Variants in CFAP52 observed in about 807,000 individuals in gnomAD.
The protein encoded by CFAP52 is cilia- and flagella-associated protein 52.
Under a neutral mutation model 70.5 loss-of-function variants are expected in CFAP52, and 57 were observed. That is an observed-to-expected ratio of 0.81 (90% CI 0.65 to 1.01). The LOEUF is 1.01. Among genes scored for constraint, CFAP52 ranks in the 50% least tolerant of loss-of-function variants. CFAP52 has a pLI of 0.00. For synonymous variants in CFAP52, 267 were observed against 292.5 expected (o/e 0.91, Z 0.89); for missense variants, 785 against 788.5 (o/e 1.00, Z 0.05).
At chr17:9,629,968 A>G (rs900778763) in intron 9 of CFAP52, among the ~76,000 whole-genome samples, 1 of 151,780 alleles carries the variant, frequency 6.6e-6, no homozygotes, top group Non-Finnish European at 1.5e-5. Context: ...TTCTCCACAT[A>G]GGGCTGCCAG....
At chr17:9,636,179 AAAAGAAAGAAAG>A (rs60584008) in intron 11 of CFAP52, among the ~76,000 whole-genome samples, 1,873 of 99,126 alleles carry the variant, frequency 0.019, 30 homozygotes, top group South Asian at 0.026. Flanking sequence ...TGTCTCAAAA[AAAAGAAAGAAAG>A]AAAGAAAGAA....
In CFAP52 at chr17:9,589,161, T is replaced by C. The variant is rs570250941; in HGVS notation, c.407+2327T>C. On this transcript the variant is annotated intron_variant, in intron 3 of 13. Coordinates refer to ENST00000352665, the MANE Select transcript of CFAP52 (RefSeq NM_145054.5). ...AAGAACAATCAATGCAAGACATTCCTATGTAAATGTCAAAGGATCACAATC... is the reference window on the plus strand; with the variant it reads ...AAGAACAATCAATGCAAGACATTCCCATGTAAATGTCAAAGGATCACAATC... Among the ~76,000 whole-genome samples the C allele has an allele frequency of 1.4e-4, 22 of 152,282 alleles. No homozygotes were observed. The East Asian group carries it at 3.9e-3, about 27-fold the overall frequency.
intron 6 of CFAP52, among the ~76,000 whole-genome samples, chr17:9,601,738 G>C (rs1246707929): frequency 6.6e-6 from 1 of 152,140 alleles, no homozygotes; most frequent in African/African-American, 2.4e-5. Flanking sequence ...ACCATCAAAG[G>C]ATAATTTTAT....
At chr17:9,577,554 C>A (rs1213467916) in intron 1 of CFAP52, among the ~76,000 whole-genome samples, 1 of 152,076 alleles carries the variant, frequency 6.6e-6, no homozygotes, top group East Asian at 1.9e-4. Context: ...TGTTGTGATG[C>A]CTGAAAGCTT....
chr17:9,603,811 T>A (rs1909375872), intron 6 of CFAP52, among the ~76,000 whole-genome samples: 1 of 152,194 alleles, frequency 6.6e-6, no homozygotes, highest in Non-Finnish European at 1.5e-5. Context: ...GTTCTGCACA[T>A]GTATCCCAGA....
chr17:9,631,052 G>GAGAGAA (rs370935367), intron 9 of CFAP52, among the ~76,000 whole-genome samples: 572 of 37,962 alleles, frequency 0.015, 18 homozygotes, highest in Non-Finnish European at 0.019. Flanking sequence ...GAGAGAGAGA[G>GAGAGAA]AGAAAGAAAG....
At chr17:9,592,317 T>G (rs1458654045) in intron 3 of CFAP52, among the ~76,000 whole-genome samples, 2 of 151,564 alleles carry the variant, frequency 1.3e-5, no homozygotes, top group Admixed American at 6.6e-5. Flanking sequence ...GCAAAAAAAA[T>G]TAGCTGGGCG....
At chr17:9,606,939 C>T (rs1237040450) in intron 6 of CFAP52, among the ~76,000 whole-genome samples, 2 of 152,186 alleles carry the variant, frequency 1.3e-5, no homozygotes, top group East Asian at 3.8e-4. Flanking sequence ...TGAGCCACAA[C>T]AGGCTAAATT....
chr17:9,639,143 C>T (rs919603148), intron 12 of CFAP52: 1 of 156,198 alleles, frequency 6.4e-6, no homozygotes, highest in African/African-American at 2.4e-5. Flanking sequence ...AAAATCTACA[C>T]ACGGAGCCAA....
intron 4 of CFAP52, among the ~76,000 whole-genome samples, chr17:9,595,058 T>G (rs1908939938): frequency 6.6e-6 from 1 of 151,980 alleles, no homozygotes. Context: ...ACCCGGCTAA[T>G]TTTTGTATTT....
chr17:9,584,608 A>AT lies in CFAP52; in HGVS notation c.71-1155dup, dbSNP rs57052137. ...AACTCTTTTAGCAGATTAATGCAGT[A>AT]TTTTTTTTTTAATTTATTTGTTCAT... is the stretch of plus-strand genomic sequence containing the variant. On this transcript the variant is annotated intron_variant, in intron 1 of 13. Transcript: ENST00000352665. Among the ~76,000 whole-genome samples the AT allele has an allele frequency of 3.3e-4, 50 of 151,466 alleles. No homozygotes were observed. In the South Asian group the frequency reaches 6.5e-3, roughly 20 times the overall value.
chr17:9,606,809 G>C (rs768842024), intron 6 of CFAP52, among the ~76,000 whole-genome samples: 6 of 152,160 alleles, frequency 3.9e-5, no homozygotes, highest in Non-Finnish European at 7.3e-5. Flanking sequence ...TCATCCTGTT[G>C]TCCTGCTGAG....
intron 8 of CFAP52, among the ~76,000 whole-genome samples, chr17:9,616,939 C>T (rs1286220312): frequency 1.5e-5 from 1 of 67,728 alleles, no homozygotes; most frequent in Admixed American, 1.5e-4. Context: ...AAACGCAGAG[C>T]GCCTCTCCTC....
intron 1 of CFAP52, among the ~76,000 whole-genome samples, chr17:9,581,940 C>T (rs947641659): frequency 6.6e-6 from 1 of 152,150 alleles, no homozygotes; most frequent in East Asian, 1.9e-4. Flanking sequence ...CACTTGGTCT[C>T]GCCTTGCTAT....
intron 8 of CFAP52, among the ~76,000 whole-genome samples, chr17:9,615,387 A>ATTTTCAACTCTTTG (rs1909863851): frequency 6.6e-6 from 1 of 152,072 alleles, no homozygotes; most frequent in African/African-American, 2.4e-5. Context: ...TCAACTCTTT[A>ATTTTCAACTCTTTG]TTTTCAACCT....
At chr17:9,582,671 C>A (rs895834423) in intron 1 of CFAP52, among the ~76,000 whole-genome samples, 1 of 152,194 alleles carries the variant, frequency 6.6e-6, no homozygotes, top group African/African-American at 2.4e-5. Context: ...GAGTCTCACT[C>A]TGTCACCCAG....
intron 8 of CFAP52, among the ~76,000 whole-genome samples, chr17:9,616,357 G>A (rs1437814541): frequency 8.5e-6 from 1 of 117,108 alleles, no homozygotes; most frequent in Admixed American, 8.7e-5. Context: ...TACGCCCACG[G>A]AATCTCGCTG....
In CFAP52 at chr17:9,635,343, C is replaced by T. The variant is rs983374195; in HGVS notation, c.1321-62C>T. On this transcript the variant is annotated intron_variant, in intron 10 of 13. Coordinates refer to ENST00000352665, the MANE Select transcript of CFAP52 (RefSeq NM_145054.5). Reference sequence around the variant, plus strand: ...GCAAAGGGGAAAAAGCTCTTGGAATCTTTTCCTATCCCTTCAGAAGTCCCA... The same window carrying T: ...GCAAAGGGGAAAAAGCTCTTGGAATTTTTTCCTATCCCTTCAGAAGTCCCA... 4.4e-6 allele frequency: 7 copies of T among 1,584,818 alleles called. No homozygotes were observed. The Admixed American group carries it at 1.2e-4, about 28-fold the overall frequency.
chr17:9,585,391 G>A (rs752026624), intron 1 of CFAP52, among the ~76,000 whole-genome samples: 11 of 152,026 alleles, frequency 7.2e-5, no homozygotes, highest in Admixed American at 1.3e-4. Flanking sequence ...AGTGTTGGCC[G>A]GGCGCGGTGG....
Sources: gnomAD v4.1 joint callset for allele counts (sites outside exome capture counted in the v4.1 genomes callset) on GRCh38, gnomAD v4.1.1 for gene constraint, MANE v1.5 for transcripts, NCBI Gene and HGNC (gene_info 2026-07-23, HGNC 2026-07-21) for gene names.